Variants in MAMDC2 observed in about 807,000 individuals in gnomAD.
MAMDC2 encodes the protein MAM domain containing 2.
In MAMDC2, 57 loss-of-function variants were observed where a neutral mutation model predicts 89.8. The observed-to-expected ratio is 0.63, with a 90% CI of 0.51 to 0.79. The LOEUF (loss-of-function observed/expected upper bound fraction) is 0.79. MAMDC2 is among the 30% of genes least tolerant of loss of function. The pLI, the probability that MAMDC2 is intolerant of heterozygous loss-of-function variation, is 0.00. For missense variants in MAMDC2, 800 were observed against 820.6 expected (o/e 0.97, Z 0.31); for synonymous variants, 313 against 293.4 (o/e 1.07, Z -0.68).
intron 2 of MAMDC2, among the ~76,000 whole-genome samples, chr9:70,067,142 T>C (rs1827285657): frequency 6.6e-6 from 1 of 152,196 alleles, no homozygotes; most frequent in African/African-American, 2.4e-5. Flanking sequence ...ATGACACTTT[T>C]GTGTTTTTCC....
chr9:70,113,024 G>A lies in MAMDC2; in HGVS notation c.535G>A (p.Gly179Ser). 1 of 1,614,116 alleles carries A rather than the reference G, an allele frequency of 6.2e-7. No homozygotes were observed. The highest frequency in any genetic ancestry group is 2.2e-5 in the East Asian group (1 of 44,878). ...TGACTTTGAAGAAAATCATCTCTGTGGCTTTGTGAACCGCTGGAATCCCAA... is the reference window on the plus strand; with the variant it reads ...TGACTTTGAAGAAAATCATCTCTGTAGCTTTGTGAACCGCTGGAATCCCAA... ...ECDFEENHLC[G>S]FVNRWNPNVN... Residue 179 changes from glycine to serine, a missense_variant, in exon 5 of 14, where the codon GGC becomes AGC. Coordinates refer to ENST00000377182, the MANE Select transcript of MAMDC2 (RefSeq NM_153267.5).
At chr9:70,120,057 C>T (rs759992919) in intron 5 of MAMDC2, among the ~76,000 whole-genome samples, 9 of 152,120 alleles carry the variant, frequency 5.9e-5, no homozygotes, top group South Asian at 2.1e-4. Flanking sequence ...ATGGAATTAC[C>T]GCACTGGTAG....
intron 2 of MAMDC2, among the ~76,000 whole-genome samples, chr9:70,051,429 G>C (rs1320641084): frequency 1.3e-5 from 2 of 152,142 alleles, no homozygotes; most frequent in Non-Finnish European, 2.9e-5. Flanking sequence ...AATAATTTTT[G>C]TCAGAGGACT....
At chr9:70,047,564 G>A (rs1299824840) in intron 2 of MAMDC2, among the ~76,000 whole-genome samples, 2 of 152,196 alleles carry the variant, frequency 1.3e-5, no homozygotes, top group African/African-American at 4.8e-5. Flanking sequence ...AGTATTCCAT[G>A]CTGTATATGT....
chr9:70,161,643 T>C (rs757995350), intron 9 of MAMDC2, among the ~76,000 whole-genome samples: 8 of 152,246 alleles, frequency 5.3e-5, no homozygotes, highest in Non-Finnish European at 1.2e-4. Context: ...CTTCAGGGAT[T>C]TGTAATAATT....
At chr9:70,166,914 C>A (rs1244103193) in intron 9 of MAMDC2, among the ~76,000 whole-genome samples, 1 of 152,112 alleles carries the variant, frequency 6.6e-6, no homozygotes, top group African/African-American at 2.4e-5. Flanking sequence ...TCTGTCTGCA[C>A]CACAATTAAT....
chr9:70,066,509 C>A (rs1018218708), intron 2 of MAMDC2, among the ~76,000 whole-genome samples: 1 of 151,604 alleles, frequency 6.6e-6, no homozygotes, highest in African/African-American at 2.4e-5. Context: ...TGTGCAAGGG[C>A]GAAGGGGAGG....
intron 4 of MAMDC2, among the ~76,000 whole-genome samples, chr9:70,111,893 G>T (rs908404173): frequency 2.0e-5 from 3 of 152,194 alleles, no homozygotes; most frequent in Non-Finnish European, 4.4e-5. Flanking sequence ...CTTTTGGTCT[G>T]AAAGGACAAG....
At chr9:70,139,174 GGTTA>G (rs1419778503) in intron 7 of MAMDC2, among the ~76,000 whole-genome samples, 7 of 149,674 alleles carry the variant, frequency 4.7e-5, no homozygotes, top group Non-Finnish European at 8.9e-5. Flanking sequence ...ACAATGTGCA[GGTTA>G]GTTACATATG....
chr9:70,052,873 C>T (rs185803582), intron 2 of MAMDC2, among the ~76,000 whole-genome samples: 9 of 152,324 alleles, frequency 5.9e-5, no homozygotes, highest in African/African-American at 1.9e-4. Flanking sequence ...CAGCTTGTCT[C>T]ACCAGTACAT....
chr9:70,092,889 T>C (rs1349516803), intron 2 of MAMDC2: 1 of 152,202 alleles, frequency 6.6e-6, no homozygotes, highest in African/African-American at 2.4e-5. Context: ...AGTCATATCT[T>C]CTCTATAATG....
intron 11 of MAMDC2, among the ~76,000 whole-genome samples, chr9:70,204,135 C>G (rs1247822896): frequency 6.6e-6 from 1 of 151,728 alleles, no homozygotes; most frequent in Admixed American, 6.6e-5. Context: ...AGACGCTCTG[C>G]GTTTTAGAGT....
Position 70,131,589 on chromosome 9 carries a change from C to T in MAMDC2, c.971C>T (p.Pro324Leu), listed in dbSNP as rs775633275. Residue 324 changes from proline (P) to leucine (L), a missense_variant, in exon 7 of 14, where the codon CCT becomes CTT. Physicochemically the swap from Pro to Leu is moderately conservative, Grantham distance 98 (BLOSUM62 -3). Transcript: ENST00000377182. ...YVALDDISFS[P>L]VHCQNQTELL... ...GCCCTGGATGATATTTCATTCTCTC[C>T]TGTTCACTGCCAGAATCAGACAGGT... 7 of 1,609,682 alleles carry T rather than the reference C, an allele frequency of 4.3e-6. No homozygotes were observed. The highest frequency in any genetic ancestry group is 5.9e-6 in the Non-Finnish European group (7 of 1,178,750).
At chr9:70,163,614 T>A (rs1196398165) in intron 9 of MAMDC2, among the ~76,000 whole-genome samples, 1 of 152,154 alleles carries the variant, frequency 6.6e-6, no homozygotes, top group African/African-American at 2.4e-5. Flanking sequence ...ACAGTCTTGT[T>A]CTGAGTGGAG....
chr9:70,187,762 G>T (rs1227597856), intron 11 of MAMDC2, among the ~76,000 whole-genome samples: 1 of 152,044 alleles, frequency 6.6e-6, no homozygotes, highest in Non-Finnish European at 1.5e-5. Context: ...CTAAGACAAG[G>T]TTTTCAAGGT....
chr9:70,113,472 A>C (rs3015224), intron 5 of MAMDC2, among the ~76,000 whole-genome samples: 1 of 152,034 alleles, frequency 6.6e-6, no homozygotes, highest in Non-Finnish European at 1.5e-5. Flanking sequence ...TTCTAAAGAC[A>C]AGGCTGGAAA....
intron 2 of MAMDC2, among the ~76,000 whole-genome samples, chr9:70,052,165 T>C (rs1018973677): frequency 2.0e-5 from 3 of 152,194 alleles, no homozygotes; most frequent in African/African-American, 7.2e-5. Context: ...TTGGAATGGC[T>C]TTCAACTCCC....
intron 11 of MAMDC2, among the ~76,000 whole-genome samples, chr9:70,215,616 T>A (rs7034322): frequency 6.6e-6 from 1 of 152,154 alleles, no homozygotes; most frequent in Non-Finnish European, 1.5e-5. Flanking sequence ...TTTCTACTTG[T>A]TCACTGCATT....
intron 2 of MAMDC2, among the ~76,000 whole-genome samples, chr9:70,045,182 GAC>G (rs1473890527): frequency 6.6e-6 from 1 of 152,190 alleles, no homozygotes; most frequent in East Asian, 1.9e-4. Context: ...CCTTGACCCT[GAC>G]AGTGTTTTTT....
Sources: allele counts gnomAD v4.1 joint callset (sites outside exome capture counted in the v4.1 genomes callset), GRCh38; gene constraint gnomAD v4.1.1; transcripts MANE v1.5; gene names NCBI Gene and HGNC (gene_info 2026-07-23, HGNC 2026-07-21).